CCSER1: variants seen among roughly 807,000 people sequenced by gnomAD.
CCSER1 encodes coiled-coil serine rich protein 1.
A neutral mutation model predicts 82.0 loss-of-function variants in CCSER1; 41 were observed. That is an observed-to-expected ratio of 0.50 (90% CI 0.39 to 0.65). The LOEUF (loss-of-function observed/expected upper bound fraction) is 0.65, where lower values mean the gene tolerates loss of function less well. CCSER1 is among the 30% of genes least tolerant of loss of function. The pLI is 0.00. For synonymous variants in CCSER1, 414 were observed against 383.9 expected, an observed-to-expected ratio of 1.08 and a Z score of -0.92; for missense variants, 1,119 against 1,064.2, an observed-to-expected ratio of 1.05 and a Z score of -0.72.
chr4:90,470,101 C>T (rs955607471), intron 5 of CCSER1, among the ~76,000 whole-genome samples: 1 of 152,092 alleles, frequency 6.6e-6, no homozygotes, highest in African/African-American at 2.4e-5. Context: ...CGTAAATTCT[C>T]AAGTTGTTCC....
intron 1 of CCSER1, among the ~76,000 whole-genome samples, chr4:90,194,337 A>G (rs1279529383): frequency 6.6e-6 from 1 of 152,040 alleles, no homozygotes. Context: ...TTGTTATAGT[A>G]TCTATCATAC....
intron 6 of CCSER1, among the ~76,000 whole-genome samples, chr4:90,648,331 A>AAGAG (rs1553969776): frequency 2.6e-4 from 39 of 150,516 alleles, no homozygotes; most frequent in Non-Finnish European, 4.7e-4. Context: ...GAAAGAAAGA[A>AAGAG]AGAAAGAAAG....
intron 5 of CCSER1, among the ~76,000 whole-genome samples, chr4:90,569,461 G>A (rs1560735794): frequency 6.6e-6 from 1 of 152,188 alleles, no homozygotes; most frequent in Non-Finnish European, 1.5e-5. Flanking sequence ...TCGGATGTCT[G>A]CTCAAAGTAG....
chr4:91,187,377 AT>A (rs1734645159), intron 10 of CCSER1, among the ~76,000 whole-genome samples: 1 of 152,120 alleles, frequency 6.6e-6, no homozygotes. Flanking sequence ...TCTGGAAGAG[AT>A]TTTCAAAATT....
chr4:90,408,353 C>G (rs993594178), intron 4 of CCSER1, among the ~76,000 whole-genome samples: 1 of 152,206 alleles, frequency 6.6e-6, no homozygotes, highest in African/African-American at 2.4e-5. Context: ...GGTCCCTGAC[C>G]CCCGAGTAGC....
intron 1 of CCSER1, among the ~76,000 whole-genome samples, chr4:90,167,992 T>A (rs1730853548): frequency 6.6e-6 from 1 of 152,124 alleles, no homozygotes; most frequent in Non-Finnish European, 1.5e-5. Flanking sequence ...ATCTACCCAG[T>A]AATGGGATGG....
intron 9 of CCSER1, among the ~76,000 whole-genome samples, chr4:91,065,435 T>G (rs921672779): frequency 1.3e-5 from 2 of 152,172 alleles, no homozygotes; most frequent in Admixed American, 1.3e-4. Flanking sequence ...CAATTAATTA[T>G]TTTTGATATT....
chr4:91,313,131 A>G (rs1469537528), intron 10 of CCSER1, among the ~76,000 whole-genome samples: 2 of 151,948 alleles, frequency 1.3e-5, no homozygotes, highest in Admixed American at 1.3e-4. Context: ...ACAAATATGT[A>G]TGAACATTTT....
chr4:90,984,876 G>A (rs187945142), intron 9 of CCSER1, among the ~76,000 whole-genome samples: 14 of 151,744 alleles, frequency 9.2e-5, no homozygotes, highest in South Asian at 2.1e-4. Flanking sequence ...TCATTATGTC[G>A]TTTACCAAAA....
intron 8 of CCSER1, among the ~76,000 whole-genome samples, chr4:90,849,533 C>A (rs1203949828): frequency 6.6e-6 from 1 of 152,010 alleles, no homozygotes; most frequent in Non-Finnish European, 1.5e-5. Context: ...CTCATGCCTG[C>A]AATCCCAGCA....
At chr4:90,739,664 G>T (rs1386441065) in intron 7 of CCSER1, among the ~76,000 whole-genome samples, 1 of 152,146 alleles carries the variant, frequency 6.6e-6, no homozygotes, top group Non-Finnish European at 1.5e-5. Context: ...TTCACCTCTG[G>T]CTAGGGCTAA....
At chr4:90,421,184 C>T (rs11931915) in intron 4 of CCSER1, among the ~76,000 whole-genome samples, 2,891 of 152,198 alleles carry the variant, frequency 0.019, 43 homozygotes, top group African/African-American at 0.04. Context: ...AATTAGGTTG[C>T]AATTGTGCAT....
chr4:90,966,143 A>T (rs1223505661), intron 9 of CCSER1, among the ~76,000 whole-genome samples: 1 of 151,794 alleles, frequency 6.6e-6, no homozygotes, highest in Non-Finnish European at 1.5e-5. Flanking sequence ...GTGTATCAAC[A>T]TACACATGAG....
At chr4:90,568,037 T>C (rs396967) in intron 5 of CCSER1, among the ~76,000 whole-genome samples, 57 of 152,324 alleles carry the variant, frequency 3.7e-4, no homozygotes, top group South Asian at 1.5e-3. Context: ...TTTTATACCG[T>C]GTCATCAGAA....
At chr4:90,304,745 A>G (rs1419819214) in intron 1 of CCSER1, among the ~76,000 whole-genome samples, 2 of 152,222 alleles carry the variant, frequency 1.3e-5, no homozygotes, top group Non-Finnish European at 2.9e-5. Flanking sequence ...ACATGTATAC[A>G]TATGTAACTA....
intron 5 of CCSER1, among the ~76,000 whole-genome samples, chr4:90,472,382 CTT>C (rs1015106241): frequency 6.6e-6 from 1 of 151,984 alleles, no homozygotes; most frequent in East Asian, 1.9e-4. Context: ...TTACTTTTGA[CTT>C]TTTTTATTAA....
intron 1 of CCSER1, among the ~76,000 whole-genome samples, chr4:90,132,601 T>C (rs1578125820): frequency 6.6e-6 from 1 of 152,330 alleles, no homozygotes; most frequent in South Asian, 2.1e-4. Context: ...CCATATTGTA[T>C]TTTAAGTTGT....
chr4:91,442,395 G>A (rs1755234095), intron 10 of CCSER1, among the ~76,000 whole-genome samples: 2 of 151,140 alleles, frequency 1.3e-5, no homozygotes, highest in South Asian at 4.2e-4. Context: ...TTAATAAATG[G>A]TGCTGGGAAA....
At chr4:90,925,759 G>A (rs960436480) in intron 9 of CCSER1, among the ~76,000 whole-genome samples, 3 of 152,090 alleles carry the variant, frequency 2.0e-5, no homozygotes, top group Non-Finnish European at 4.4e-5. Flanking sequence ...TTCCTAGCTT[G>A]TTTCGTATGT....
Sources: gnomAD v4.1 joint callset for allele counts (sites outside exome capture counted in the v4.1 genomes callset) on GRCh38, gnomAD v4.1.1 for gene constraint, MANE v1.5 for transcripts, NCBI Gene and HGNC (gene_info 2026-07-23, HGNC 2026-07-21) for gene names.